Variants in BCAS3 observed in about 807,000 individuals in gnomAD.
BCAS3 encodes BCAS4/BCAS3 fusion.
A neutral mutation model predicts 116.1 loss-of-function variants in BCAS3; 53 were observed. The observed-to-expected ratio is 0.46, with a 90% CI of 0.37 to 0.57. The LOEUF is 0.57. Among genes scored for constraint, BCAS3 ranks in the 20% least tolerant of loss-of-function variants. The probability of loss-of-function intolerance (pLI) is 0.00; values close to 1 mark genes in which losing one functional copy is unlikely to be tolerated. For synonymous variants in BCAS3, 391 were observed against 408.2 expected, an observed-to-expected ratio of 0.96 and a Z score of 0.51; for missense variants, 917 against 1,165.4, an observed-to-expected ratio of 0.79 and a Z score of 3.10.
chr17:60,829,271 G>C (rs1415673895), intron 7 of BCAS3, among the ~76,000 whole-genome samples: 1 of 152,014 alleles, frequency 6.6e-6, no homozygotes, highest in African/African-American at 2.4e-5. Context: ...GAGGTGGGTG[G>C]ATCATGAGGT....
intron 22 of BCAS3, among the ~76,000 whole-genome samples, chr17:61,297,254 G>A (rs1440444244): frequency 1.3e-5 from 2 of 152,186 alleles, no homozygotes; most frequent in African/African-American, 2.4e-5. Context: ...TGATAACTGA[G>A]TAGAAAGCAG....
chr17:61,285,554 C>T lies in BCAS3; in HGVS notation c.2426-82773C>T, dbSNP rs1418372764. Among the ~76,000 whole-genome samples, 1 of 152,188 alleles carries T rather than the reference C, an allele frequency of 6.6e-6. No homozygotes were observed. The highest frequency in any genetic ancestry group is 1.9e-4 in the East Asian group (1 of 5,198). ...TAATTAAGCAGAATTAAGGTCTGGG[C>T]TCAAAACTGTCTTGAGCTGTGCTAG... On this transcript the variant is annotated intron_variant, in intron 22 of 23. Transcript: ENST00000407086. This position sits in a 1 kb window ranked among gnomAD's most constrained non-coding sequence, Gnocchi z 5.4.
rs991445967 is a variant in BCAS3, at chr17:61,186,205, C to G, written c.2425+101641C>G. 6.6e-6 allele frequency among the ~76,000 whole-genome samples: 1 copy of G among 151,566 alleles called. No homozygotes were observed. The highest frequency in any genetic ancestry group is 1.5e-5 in the Non-Finnish European group (1 of 67,884). ...ACATTCTATAAAATCATTTTTAACC[C>G]GTATGTTAAGGTTGTCTTTGATATG... On this transcript the variant is annotated intron_variant, in intron 22 of 23. Coordinates refer to ENST00000407086, the MANE Select transcript of BCAS3 (RefSeq NM_017679.5). The surrounding 1 kb of genome is among the most constrained non-coding windows in gnomAD (Gnocchi z 4.9).
Position 60,910,763 on chromosome 17 carries a change from G to C in BCAS3, c.993+61G>C. 3 of 1,420,206 alleles carry C rather than the reference G, an allele frequency of 2.1e-6. No homozygotes were observed. In the Admixed American group the frequency reaches 6.9e-5, roughly 33 times the overall value. The allele number at this position is 1,420,206 out of a possible 1,614,324, so 88.0% of individuals were successfully genotyped here. On this transcript the variant is annotated intron_variant, in intron 12 of 23. Coordinates refer to ENST00000407086, the MANE Select transcript of BCAS3 (RefSeq NM_017679.5). Reference sequence around the variant, plus strand: ...CTTGCAAAGATGGGGCTAAGATCAAGATTAGTCAAAATGTATTTGGCCTAG... The same window carrying C: ...CTTGCAAAGATGGGGCTAAGATCAACATTAGTCAAAATGTATTTGGCCTAG...
intron 7 of BCAS3, among the ~76,000 whole-genome samples, chr17:60,817,690 T>C (rs1230497681): frequency 1.3e-5 from 2 of 152,160 alleles, no homozygotes; most frequent in African/African-American, 4.8e-5. Flanking sequence ...TCTCAGTTGG[T>C]TAGGAATCCC....
chr17:61,256,701 G>A lies in BCAS3; in HGVS notation c.2426-111626G>A, dbSNP rs1261358966. Among the ~76,000 whole-genome samples, 1 of 152,164 alleles carries A rather than the reference G, an allele frequency of 6.6e-6. No individual in the cohort carries two copies. The highest frequency in any genetic ancestry group is 2.4e-5 in the African/African-American group (1 of 41,424). On this transcript the variant is annotated intron_variant, in intron 22 of 23. Coordinates refer to ENST00000407086, the MANE Select transcript of BCAS3 (RefSeq NM_017679.5). This position sits in a 1 kb window ranked among gnomAD's most constrained non-coding sequence, Gnocchi z 5.6. ...GAAACCAGTGAATTGTGTCACCAGA[G>A]AGCCTTGGATACAGAGATAAACTGG... is the stretch of plus-strand genomic sequence containing the variant.
chr17:61,153,858 G>A (rs901322597), intron 22 of BCAS3, among the ~76,000 whole-genome samples: 1 of 152,142 alleles, frequency 6.6e-6, no homozygotes, highest in Non-Finnish European at 1.5e-5. Flanking sequence ...CCATTTGGGG[G>A]TGAAATCTGC....
chr17:61,009,138 G>T (rs947688906), intron 15 of BCAS3, among the ~76,000 whole-genome samples: 6 of 152,006 alleles, frequency 3.9e-5, no homozygotes, highest in Non-Finnish European at 1.5e-5. Flanking sequence ...AGTGGATAAG[G>T]TCTGTGTCTG....
At chr17:61,247,484 T>C (rs1411077422) in intron 22 of BCAS3, among the ~76,000 whole-genome samples, 1 of 152,126 alleles carries the variant, frequency 6.6e-6, no homozygotes, top group African/African-American at 2.4e-5. Context: ...CATGTCACGA[T>C]TTTTGCTCTT....
rs1247406314 is a variant in BCAS3 at position 61,131,759 on chromosome 17, A to G, written c.2425+47195A>G. 1.3e-5 allele frequency among the ~76,000 whole-genome samples: 2 copies of G among 152,210 alleles called. No homozygotes were observed. The highest frequency in any genetic ancestry group is 2.9e-5 in the Non-Finnish European group (2 of 68,048). Reference sequence around the variant, plus strand: ...GAGCTGCCCCTTAGGGGCTGAGCAGAAACACTCATGAAGGAGCCCTGATTA... The same window carrying G: ...GAGCTGCCCCTTAGGGGCTGAGCAGGAACACTCATGAAGGAGCCCTGATTA... On this transcript the variant is annotated intron_variant, in intron 22 of 23. Coordinates refer to ENST00000407086, the MANE Select transcript of BCAS3 (RefSeq NM_017679.5). The surrounding 1 kb of genome is among the most constrained non-coding windows in gnomAD (Gnocchi z 4.4).
intron 14 of BCAS3, among the ~76,000 whole-genome samples, chr17:60,965,563 A>G (rs1339305252): frequency 6.6e-6 from 1 of 152,072 alleles, no homozygotes; most frequent in African/African-American, 2.4e-5. Context: ...TTGTTTCAAG[A>G]CATTTTAAAA....
In BCAS3 at chr17:61,063,754, T is replaced by C. The variant is rs1233639388; in HGVS notation, c.2030-11166T>C. Among the ~76,000 whole-genome samples the C allele has an allele frequency of 6.6e-6, 1 of 152,188 alleles. No individual in the cohort carries two copies. The highest frequency in any genetic ancestry group is 2.4e-5 in the African/African-American group (1 of 41,450). ...GGAAGTGGAACCAATTGAGATATCT[T>C]TGGCACTGGCTGTAGTTTCTGCTGT... On this transcript the variant is annotated intron_variant, in intron 19 of 23. Coordinates refer to ENST00000407086, the MANE Select transcript of BCAS3 (RefSeq NM_017679.5). The surrounding 1 kb of genome is among the most constrained non-coding windows in gnomAD (Gnocchi z 5.3).
At chr17:60,809,192 G>A (rs1340771395) in intron 7 of BCAS3, among the ~76,000 whole-genome samples, 1 of 151,064 alleles carries the variant, frequency 6.6e-6, no homozygotes, top group African/African-American at 2.4e-5. Context: ...GCTGAGGCAC[G>A]AGAATTGCTT....
chr17:60,875,643 C>G (rs1004112636), intron 9 of BCAS3, among the ~76,000 whole-genome samples: 1 of 151,900 alleles, frequency 6.6e-6, no homozygotes, highest in African/African-American at 2.4e-5. Flanking sequence ...TGTTTTTAGT[C>G]ATCTTAAAAT....
intron 15 of BCAS3, among the ~76,000 whole-genome samples, chr17:60,996,591 T>C (rs2063853502): frequency 6.6e-6 from 1 of 152,094 alleles, no homozygotes; most frequent in Admixed American, 6.5e-5. Context: ...TATGATGTCT[T>C]TTTGACCTCC....
chr17:60,968,862 G>A (rs1407201018), intron 14 of BCAS3, among the ~76,000 whole-genome samples: 1 of 152,140 alleles, frequency 6.6e-6, no homozygotes, highest in African/African-American at 2.4e-5. Flanking sequence ...CCTCAGGGTT[G>A]TTTCTCCCAT....
intron 8 of BCAS3, 112 bp from the exon 9 acceptor site, chr17:60,874,550 G>T: frequency 1.6e-6 from 1 of 642,376 alleles, no homozygotes; most frequent in Non-Finnish European, 2.6e-6. Flanking sequence ...TTTTAAAATT[G>T]TATTAGTAGG....
At chr17:60,784,865 G>A (rs945310441) in intron 6 of BCAS3, among the ~76,000 whole-genome samples, 5 of 152,004 alleles carry the variant, frequency 3.3e-5, no homozygotes, top group Admixed American at 6.5e-5. Context: ...GGAGGCTGAC[G>A]TGGATGGAGC....
At position 61,078,862 on chromosome 17, in the gene BCAS3, G is replaced by A. The variant is rs1438468889; in HGVS notation, c.2327+333G>A. Among the ~76,000 whole-genome samples, 3 of 152,088 alleles carry A rather than the reference G, an allele frequency of 2.0e-5. 1 individual carries two copies. Among genetic ancestry groups the A allele is most frequent in the Non-Finnish European group, 4.4e-5 (3 of 68,022 alleles). On this transcript the variant is annotated intron_variant, in intron 21 of 23. Coordinates refer to ENST00000407086, the MANE Select transcript of BCAS3 (RefSeq NM_017679.5). ...GTATTCTTTTCCTGATCTTTCTGAA[G>A]TTGGCACCACCTTTCAATTAAATTT...
Sources: allele counts gnomAD v4.1 joint callset (sites outside exome capture counted in the v4.1 genomes callset), GRCh38; gene constraint gnomAD v4.1.1; non-coding constraint Gnocchi (gnomAD v3.1); transcripts MANE v1.5; gene names NCBI Gene and HGNC (gene_info 2026-07-23, HGNC 2026-07-21).